The following SLC9A9 variants were observed in gnomAD, a reference collection of about 807,000 sequenced individuals.
The protein encoded by SLC9A9 is sodium/hydrogen exchanger 9.
A neutral mutation model predicts 77.8 loss-of-function variants in SLC9A9; 62 were observed. That is an observed-to-expected ratio of 0.80 (90% CI 0.65 to 0.98). The LOEUF is 0.98. SLC9A9 is among the 50% of genes least tolerant of loss of function. SLC9A9 has a pLI of 0.00. For synonymous variants in SLC9A9, 320 were observed against 283.5 expected, an observed-to-expected ratio of 1.13 and a Z score of -1.29; for missense variants, 775 against 774.9, an observed-to-expected ratio of 1.00 and a Z score of 0.00.
At chr3:143,481,754 T>C (rs1247239839) in intron 11 of SLC9A9, among the ~76,000 whole-genome samples, 1 of 152,170 alleles carries the variant, frequency 6.6e-6, no homozygotes, top group South Asian at 2.1e-4. Flanking sequence ...CTTTTGGATA[T>C]CAAGGATCAA....
At chr3:143,367,037 CT>C (rs2032927549) in intron 13 of SLC9A9, among the ~76,000 whole-genome samples, 1 of 152,200 alleles carries the variant, frequency 6.6e-6, no homozygotes, top group African/African-American at 2.4e-5. Flanking sequence ...CTTCTAGATA[CT>C]GGTTTCAAGC....
At chr3:143,756,510 G>T (rs779714253) in intron 4 of SLC9A9, among the ~76,000 whole-genome samples, 102 of 152,094 alleles carry the variant, frequency 6.7e-4, no homozygotes, top group Non-Finnish European at 9.4e-4. Flanking sequence ...CTATGTATAT[G>T]AAACATCTGA....
chr3:143,268,602 A>G (rs542485394), intron 15 of SLC9A9, among the ~76,000 whole-genome samples: 456 of 149,986 alleles, frequency 3.0e-3, no homozygotes, highest in African/African-American at 0.01. Flanking sequence ...GTGTGGTGGC[A>G]GGCGCCTGTA....
intron 14 of SLC9A9, among the ~76,000 whole-genome samples, chr3:143,288,091 G>A (rs1938429599): frequency 6.6e-6 from 1 of 152,098 alleles, no homozygotes; most frequent in South Asian, 2.1e-4. Flanking sequence ...AGGAAAAAAT[G>A]GAACATTTCC....
intron 8 of SLC9A9, 65 bp downstream of exon 8, chr3:143,574,023 G>T: frequency 7.2e-7 from 1 of 1,384,500 alleles, no homozygotes; most frequent in Non-Finnish European, 1.0e-6. Context: ...GGTCAGGGAG[G>T]GGCACACACC....
chr3:143,409,318 A>G (rs1469872429), intron 12 of SLC9A9, among the ~76,000 whole-genome samples: 1 of 152,228 alleles, frequency 6.6e-6, no homozygotes, highest in Non-Finnish European at 1.5e-5. Context: ...TTTTGGGATA[A>G]TGCACAGACA....
chr3:143,707,369 TACACACAC>T (rs67386185), intron 4 of SLC9A9, among the ~76,000 whole-genome samples: 1 of 149,124 alleles, frequency 6.7e-6, no homozygotes, highest in East Asian at 2.0e-4. Context: ...TTTTAAAATC[TACACACAC>T]ACACACACAC....
intron 1 of SLC9A9, among the ~76,000 whole-genome samples, chr3:143,842,400 C>T (rs561344411): frequency 4.6e-4 from 70 of 152,156 alleles, no homozygotes; most frequent in Admixed American, 7.8e-4. Context: ...AACAAACAAA[C>T]AAAAACCCCC....
chr3:143,397,746 G>A (rs949445717), intron 12 of SLC9A9, among the ~76,000 whole-genome samples: 2 of 152,104 alleles, frequency 1.3e-5, no homozygotes, highest in Non-Finnish European at 2.9e-5. Flanking sequence ...GCTCTTTGAT[G>A]TGCTCAGGCT....
At chr3:143,504,758 A>C (rs1277651079) in intron 9 of SLC9A9, among the ~76,000 whole-genome samples, 1 of 152,210 alleles carries the variant, frequency 6.6e-6, no homozygotes, top group East Asian at 1.9e-4. Context: ...AAAGTCAACA[A>C]AACTCAGGAA....
chr3:143,304,536 A>G (rs2030691349), intron 14 of SLC9A9, among the ~76,000 whole-genome samples: 1 of 152,226 alleles, frequency 6.6e-6, no homozygotes, highest in Non-Finnish European at 1.5e-5. Flanking sequence ...TCATCTTGGC[A>G]GCATTCAGGC....
intron 2 of SLC9A9, among the ~76,000 whole-genome samples, chr3:143,804,115 C>T (rs191418482): frequency 3.3e-5 from 5 of 152,140 alleles, no homozygotes; most frequent in East Asian, 1.9e-4. Flanking sequence ...TTCACCTTCT[C>T]GATGTTCCTT....
chr3:143,531,255 A>G (rs2036505947), intron 9 of SLC9A9, among the ~76,000 whole-genome samples: 1 of 152,190 alleles, frequency 6.6e-6, no homozygotes, highest in Non-Finnish European at 1.5e-5. Context: ...TTGAGATTTC[A>G]AATGCTCCCC....
intron 14 of SLC9A9, among the ~76,000 whole-genome samples, chr3:143,344,019 C>T (rs1440588442): frequency 6.6e-6 from 1 of 152,152 alleles, no homozygotes; most frequent in Non-Finnish European, 1.5e-5. Context: ...AAGGAAACAG[C>T]AGGGAGAAGA....
intron 12 of SLC9A9, among the ~76,000 whole-genome samples, chr3:143,442,020 G>A (rs2034749628): frequency 6.6e-6 from 1 of 151,254 alleles, no homozygotes; most frequent in Non-Finnish European, 1.5e-5. Context: ...CCACCCATCA[G>A]CCCAACCACC....
intron 14 of SLC9A9, among the ~76,000 whole-genome samples, chr3:143,349,153 A>G (rs1488921930): frequency 1.3e-5 from 2 of 152,310 alleles, no homozygotes; most frequent in Non-Finnish European, 1.5e-5. Context: ...TAGCAGTCCC[A>G]TCTTTGCCTG....
chr3:143,597,963 G>A (rs2037786039), intron 6 of SLC9A9, among the ~76,000 whole-genome samples: 1 of 152,168 alleles, frequency 6.6e-6, no homozygotes, highest in Non-Finnish European at 1.5e-5. Context: ...AGTGGGCGCT[G>A]CCTTCCCTAG....
intron 4 of SLC9A9, among the ~76,000 whole-genome samples, chr3:143,748,925 G>A (rs185492684): frequency 2.7e-5 from 4 of 150,848 alleles, no homozygotes; most frequent in Non-Finnish European, 4.4e-5. Context: ...GGATGGTCTC[G>A]ATCTCCTGAC....
chr3:143,815,111 A>T (rs900732635), intron 2 of SLC9A9, among the ~76,000 whole-genome samples: 13 of 152,174 alleles, frequency 8.5e-5, no homozygotes, highest in Admixed American at 8.5e-4. Context: ...AATAATGAAG[A>T]TGTGCTAAGT....
Sources: gnomAD v4.1 joint callset for allele counts (sites outside exome capture counted in the v4.1 genomes callset) on GRCh38, gnomAD v4.1.1 for gene constraint, MANE v1.5 for transcripts, NCBI Gene and HGNC (gene_info 2026-07-23, HGNC 2026-07-21) for gene names.